The following SLC16A12 variants were observed in gnomAD, a reference collection of about 807,000 sequenced individuals.
The protein encoded by SLC16A12 is solute carrier family 16 member 12, also known as monocarboxylate transporter 12.
A neutral mutation model predicts 42.4 loss-of-function variants in SLC16A12; 17 were observed. That is an observed-to-expected ratio of 0.40 (90% CI 0.27 to 0.60). The LOEUF is 0.60. Among genes scored for constraint, SLC16A12 ranks in the 20% least tolerant of loss-of-function variants. The pLI, the probability that SLC16A12 is intolerant of heterozygous loss-of-function variation, is 0.42. For missense variants in SLC16A12, 544 were observed against 623.0 expected, an observed-to-expected ratio of 0.87 and a Z score of 1.35; for synonymous variants, 224 against 229.4, an observed-to-expected ratio of 0.98 and a Z score of 0.21.
At chr10:89,540,807 T>C (rs1843710322) in intron 2 of SLC16A12, among the ~76,000 whole-genome samples, 1 of 152,234 alleles carries the variant, frequency 6.6e-6, no homozygotes, top group South Asian at 2.1e-4. Flanking sequence ...CCCATTTATC[T>C]TTCTGGAGTC....
Position 89,430,327 on chromosome 10 carries a change from C to A in SLC16A12, c.*2737G>T. On this transcript the variant is annotated 3_prime_UTR_variant, in exon 8 of 8. Coordinates refer to ENST00000371790, the MANE Select transcript of SLC16A12 (RefSeq NM_213606.4). ...AGGACAATAAATTCATTTTATTTTG[C>A]TTTTGAAATAAGAAAATATTAGCAT... The A allele has an allele frequency of 4.4e-6, 1 of 227,314 alleles. No homozygotes were observed. The highest frequency in any genetic ancestry group is 8.6e-6 in the Non-Finnish European group (1 of 116,546). 14.1% of individuals were successfully genotyped at this position (227,314 alleles called of 1,614,324 possible).
intron 2 of SLC16A12, among the ~76,000 whole-genome samples, chr10:89,501,088 A>C (rs1420985068): frequency 6.6e-6 from 1 of 152,182 alleles, no homozygotes; most frequent in East Asian, 1.9e-4. Context: ...TTAGGAATAT[A>C]CCTAACCAAG....
chr10:89,512,794 G>C (rs992368598), intron 2 of SLC16A12, among the ~76,000 whole-genome samples: 4 of 152,170 alleles, frequency 2.6e-5, no homozygotes, highest in African/African-American at 9.6e-5. Context: ...GCAAAAGATC[G>C]AACCCAAGAG....
At position 89,470,151 on chromosome 10, in the gene SLC16A12, T is replaced by C. The variant is rs146430343; in HGVS notation, c.-46-7527A>G. On this transcript the variant is annotated intron_variant, in intron 2 of 7. Coordinates refer to ENST00000371790, the MANE Select transcript of SLC16A12 (RefSeq NM_213606.4). ...AGACATAAGCTCCATCCAGAATAAATGCATCCCCAGGCAAGGAATCATGGG... is the reference window on the plus strand; with the variant it reads ...AGACATAAGCTCCATCCAGAATAAACGCATCCCCAGGCAAGGAATCATGGG... Among the ~76,000 whole-genome samples the C allele has an allele frequency of 3.3e-3, 508 of 152,252 alleles. 6 individuals are homozygous for C. Among genetic ancestry groups the C allele is most frequent in the African/African-American group, 0.011 (454 of 41,552 alleles).
In SLC16A12 at chr10:89,487,116, T is replaced by C. The variant is rs185886002; in HGVS notation, c.-46-24492A>G. 4.9e-4 allele frequency among the ~76,000 whole-genome samples: 74 copies of C among 152,308 alleles called. 1 individual carries two copies. Among genetic ancestry groups the C allele is most frequent in the African/African-American group, 1.6e-3 (67 of 41,572 alleles). On this transcript the variant is annotated intron_variant, in intron 2 of 7. Coordinates refer to ENST00000371790, the MANE Select transcript of SLC16A12 (RefSeq NM_213606.4). Reference sequence around the variant, plus strand: ...AAAGCTGTGGGCTCTGCGGATTCCATACAAAGGGTCAGATTCCTCTGAATG... The same window carrying C: ...AAAGCTGTGGGCTCTGCGGATTCCACACAAAGGGTCAGATTCCTCTGAATG...
chr10:89,500,693 C>T (rs148423019), intron 2 of SLC16A12, among the ~76,000 whole-genome samples: 1 of 152,274 alleles, frequency 6.6e-6, no homozygotes, highest in East Asian at 1.9e-4. Flanking sequence ...CAACATTATA[C>T]TAAGTGGGGA....
intron 2 of SLC16A12, among the ~76,000 whole-genome samples, chr10:89,511,652 A>C (rs1340736553): frequency 6.6e-6 from 1 of 152,180 alleles, no homozygotes; most frequent in Non-Finnish European, 1.5e-5. Context: ...TGATGGGTGC[A>C]GCAAACCAAC....
At chr10:89,519,000 TTAAGAA>T (rs1290025115) in intron 2 of SLC16A12, among the ~76,000 whole-genome samples, 1 of 152,224 alleles carries the variant, frequency 6.6e-6, no homozygotes, top group Non-Finnish European at 1.5e-5. Flanking sequence ...AAAAATCTAT[TTAAGAA>T]TAGTGGTGGT....
At chr10:89,506,512 G>T (rs914253054) in intron 2 of SLC16A12, among the ~76,000 whole-genome samples, 2 of 152,078 alleles carry the variant, frequency 1.3e-5, no homozygotes, top group Admixed American at 6.6e-5. Context: ...TTAACAAACA[G>T]AAAGGAATAG....
chr10:89,541,144 T>A (rs1217118326), intron 2 of SLC16A12, among the ~76,000 whole-genome samples: 1 of 151,768 alleles, frequency 6.6e-6, no homozygotes, highest in Non-Finnish European at 1.5e-5. Context: ...GCCAGGATGG[T>A]CTCGATCTCC....
chr10:89,542,180 C>G (rs1035772008), intron 2 of SLC16A12, among the ~76,000 whole-genome samples: 1 of 151,654 alleles, frequency 6.6e-6, no homozygotes, highest in African/African-American at 2.4e-5. Context: ...AGGTAGAAGA[C>G]TATTTTTACA....
At chr10:89,468,647 T>C (rs1044475900) in intron 2 of SLC16A12, among the ~76,000 whole-genome samples, 1 of 152,230 alleles carries the variant, frequency 6.6e-6, no homozygotes, top group Non-Finnish European at 1.5e-5. Context: ...TGTGAGTTTC[T>C]TTCAAAACAG....
At position 89,548,078 on chromosome 10, in the gene SLC16A12, A is replaced by C. The variant is rs537915981; in HGVS notation, c.-47+7804T>G. ...TTCTTGGAGAATTTCAAAAAGCAGG[A>C]AGGAAGGCAGTCTTGTTAAATCAAA... is the stretch of plus-strand genomic sequence containing the variant. On this transcript the variant is annotated intron_variant, in intron 2 of 2. Transcript: ENST00000475682. Among the ~76,000 whole-genome samples the C allele has an allele frequency of 2.6e-5, 4 of 152,192 alleles. No homozygotes were observed. In the South Asian group the frequency reaches 8.3e-4, roughly 32 times the overall value.
At position 89,430,874 on chromosome 10, in the gene SLC16A12, A is replaced by G; in HGVS notation, c.*2190T>C. The G allele has an allele frequency of 5.5e-6, 2 of 361,838 alleles. No homozygotes were observed. The highest frequency in any genetic ancestry group is 4.3e-5 in the South Asian group (2 of 46,150). The allele number at this position is 361,838 out of a possible 1,614,324, so 22.4% of individuals were successfully genotyped here. A position where few individuals can be genotyped will look rare whatever the true frequency, so the allele number is the denominator to read the frequency against. ...ATCATGATAAAAAATATGTATAAGA[A>G]TATTTGTAACTATTCATATTTTTAA... On this transcript the variant is annotated 3_prime_UTR_variant, in exon 8 of 8. Transcript: ENST00000371790.
chr10:89,492,632 G>A (rs1039144668), intron 2 of SLC16A12, among the ~76,000 whole-genome samples: 15 of 152,014 alleles, frequency 9.9e-5, no homozygotes, highest in African/African-American at 3.6e-4. Context: ...CGATGGTGCC[G>A]ACATGGCAAG....
chr10:89,490,399 G>T (rs1842828392), intron 2 of SLC16A12, among the ~76,000 whole-genome samples: 1 of 152,180 alleles, frequency 6.6e-6, no homozygotes, highest in South Asian at 2.1e-4. Flanking sequence ...TCACAAGACT[G>T]CCCCACTTCA....
chr10:89,511,162 G>A (rs1843155353), intron 2 of SLC16A12, among the ~76,000 whole-genome samples: 1 of 152,230 alleles, frequency 6.6e-6, no homozygotes, highest in Non-Finnish European at 1.5e-5. Context: ...CATTGTGGAA[G>A]ACAGTGTGGT....
At chr10:89,537,936 T>G (rs1298063114), upstream of SLC16A12, among the ~76,000 whole-genome samples, 2 of 152,232 alleles carry the variant, frequency 1.3e-5, no homozygotes, top group East Asian at 3.8e-4. Context: ...GCAGGATGAT[T>G]TTCATCCTTT....
intron 2 of SLC16A12, among the ~76,000 whole-genome samples, chr10:89,524,578 C>T (rs1211099421): frequency 2.0e-5 from 3 of 152,232 alleles, no homozygotes; most frequent in African/African-American, 4.8e-5. Flanking sequence ...ACCTCAGCAA[C>T]GTTAAGTGCC....
Sources: allele counts gnomAD v4.1 joint callset (sites outside exome capture counted in the v4.1 genomes callset), GRCh38; gene constraint gnomAD v4.1.1; transcripts MANE v1.5; gene names NCBI Gene and HGNC (gene_info 2026-07-23, HGNC 2026-07-21).